The following MATN4 variants were observed in gnomAD, a reference collection of about 807,000 sequenced individuals.
MATN4 encodes the protein matrilin-4.
A neutral mutation model predicts 54.6 loss-of-function variants in MATN4; 40 were observed. That is an observed-to-expected ratio of 0.73 (90% CI 0.57 to 0.95). The LOEUF is 0.95. Ranked by LOEUF, MATN4 falls within the 40% of genes least tolerant of loss-of-function variation. MATN4 has a pLI of 0.00. For missense variants in MATN4, 810 were observed against 819.1 expected (o/e 0.99, Z 0.13); for synonymous variants, 351 against 345.3 (o/e 1.02, Z -0.18).
Position 45,305,675 on chromosome 20 carries a change from G to A in MATN4, c.-34-59C>T, listed in dbSNP as rs564990621. On this transcript the variant is annotated intron_variant, in intron 1 of 9. Coordinates refer to ENST00000372756, the MANE Select transcript of MATN4 (RefSeq NM_001393530.1). ...TATTTACAGAGCTCTTATTCTGGGT[G>A]ATAGGCACTTGGAGGGGGAAGACAG... The A allele has an allele frequency of 1.6e-5, 13 of 809,334 alleles. No individual in the cohort carries two copies. In the South Asian group the frequency reaches 2.1e-4, roughly 13 times the overall value. 50.1% of individuals were successfully genotyped at this position (809,334 alleles called of 1,614,324 possible).
rs1380135872 is a variant in MATN4 at position 45,304,427 on chromosome 20, C to G, written c.444G>C (p.Gly148=). The G allele has an allele frequency of 6.5e-7, 1 of 1,531,358 alleles. No homozygotes were observed. Among genetic ancestry groups the G allele is most frequent in the Non-Finnish European group, 8.8e-7 (1 of 1,135,964 alleles). 94.9% of individuals were successfully genotyped at this position (1,531,358 alleles called of 1,614,324 possible). A position where few individuals can be genotyped will look rare whatever the true frequency, so the allele number is the denominator to read the frequency against. The change falls in exon 3 of 10, where the codon GGG becomes GGC. Residue 148 remains glycine (G), a synonymous_variant. Transcript: ENST00000372756. ...CCTCGGCCACGCGGTCCTGGGGCCG[C>G]CCGTCTGTCACGATGACAGCGACAC... The part of the protein sequence containing the change: ...VPRVAVIVTD[G]RPQDRVAEVA...
In MATN4 at chr20:45,298,280, G is replaced by A. The variant is rs532253887; in HGVS notation, c.1316C>T (p.Ala439Val). The A allele has an allele frequency of 1.2e-6, 2 of 1,613,304 alleles. No homozygotes were observed. Among genetic ancestry groups the A allele is most frequent in the African/African-American group, 1.3e-5 (1 of 74,990 alleles). Residue 439 changes from alanine to valine, a missense_variant, in exon 7 of 10, where the codon GCG becomes GTG. By Grantham distance (64) the Ala-to-Val change is moderately conservative. Transcript: ENST00000372756. The surrounding 1 kb of genome is among the most constrained non-coding windows in gnomAD (Gnocchi z 4.6). ...AAGGGCACGGGGCCGTGCACCCTGC[G>A]CCTCGGAGAAGCTGTGCTCCACCAT... ...RHMVEHSFSE[A>V]QGARPRALNV...
chr20:45,307,062 C>A, intron 1 of MATN4: 1 of 602,254 alleles, frequency 1.7e-6, no homozygotes, highest in South Asian at 8.6e-5. Flanking sequence ...GGCAGCCCGC[C>A]GAACTGCAAA....
At chr20:45,300,372 G>A (rs1307442856) in intron 6 of MATN4, among the ~76,000 whole-genome samples, 2 of 152,188 alleles carry the variant, frequency 1.3e-5, no homozygotes, top group Non-Finnish European at 2.9e-5. Context: ...ACCTAAGGCA[G>A]TGGTTTCAAA....
At chr20:45,308,084 G>A in intron 1 of MATN4, 91 bp downstream of exon 1, 1 of 1,237,556 alleles carries the variant, frequency 8.1e-7, no homozygotes, top group Non-Finnish European at 1.2e-6. Context: ...GGGCACCCTA[G>A]GCAGCGTCTC....
In MATN4 at chr20:45,297,969, AGTCCG is replaced by A; in HGVS notation, c.1523_1527del (p.Pro508LeufsTer124). 1.2e-6 allele frequency: 2 copies of A among 1,614,156 alleles called. No homozygotes were observed. The highest frequency in any genetic ancestry group is 1.7e-6 in the Non-Finnish European group (2 of 1,180,026). On this transcript the variant is annotated frameshift_variant, in exon 8 of 10. Coordinates refer to ENST00000372756, the MANE Select transcript of MATN4 (RefSeq NM_001393530.1). LOFTEE classifies it high-confidence loss of function. ...TCCAGCAGGTGCGTCATGGTGCCGA[AGTCCG>A]GGGCATAGGACACGTGCAGTTCCGC...
In MATN4 at chr20:45,305,805, C is replaced by CTTTTTTTTTTTTTTTTTTGTTTTTT. The variant is rs758735302; in HGVS notation, c.-34-190_-34-189insAAAAAACAAAAAAAAAAAAAAAAAA. On this transcript the variant is annotated intron_variant, in intron 1 of 9. Transcript: ENST00000372756. The stretch of plus-strand genomic sequence containing the variant: ...GGATTGCTGGGAAACACAAGAGATT[C>CTTTTTTTTTTTTTTTTTTGTTTTTT]TTTTTTTTTTTTTTTTTAGATAGAG... Among the ~76,000 whole-genome samples, 2 of 64,676 alleles carry CTTTTTTTTTTTTTTTTTTGTTTTTT rather than the reference C, an allele frequency of 3.1e-5. 1 individual carries two copies. The highest frequency in any genetic ancestry group is 1.7e-3 in the South Asian group (2 of 1,202). 42.4% of individuals were successfully genotyped at this position (64,676 alleles called of 152,430 possible).
intron 3 of MATN4, among the ~76,000 whole-genome samples, chr20:45,302,070 C>A (rs566840662): frequency 6.0e-4 from 91 of 152,112 alleles, no homozygotes; most frequent in African/African-American, 1.9e-3. Flanking sequence ...CCCCTGCATA[C>A]ACAAGTGTGT....
rs1286242374 is a variant in MATN4, at chr20:45,304,817, G to C, written c.74-20C>G. 6.6e-7 allele frequency: 1 copy of C among 1,514,254 alleles called. No individual in the cohort carries two copies. Among genetic ancestry groups the C allele is most frequent in the African/African-American group, 1.4e-5 (1 of 72,306 alleles). 93.8% of individuals were successfully genotyped at this position (1,514,254 alleles called of 1,614,324 possible). ...TGGGACCTGCGGGGAGATCAGGGAG[G>C]ACTCTCCTAGGTCAGCAAAGCCTCA... is the stretch of plus-strand genomic sequence containing the variant. On this transcript the variant is annotated intron_variant, in intron 2 of 9. Coordinates refer to ENST00000372756, the MANE Select transcript of MATN4 (RefSeq NM_001393530.1).
chr20:45,298,849 A>G lies in MATN4; in HGVS notation c.1013-266T>C, dbSNP rs552329838. Among the ~76,000 whole-genome samples, 2 of 152,264 alleles carry G rather than the reference A, an allele frequency of 1.3e-5. No homozygotes were observed. Among genetic ancestry groups the G allele is most frequent in the South Asian group, 2.1e-4 (1 of 4,826 alleles). ...CTAAAAGCATCTTTTTTTAACAACA[A>G]TCATAGTAATGACCACAATAACTAC... On this transcript the variant is annotated intron_variant, in intron 6 of 9. Coordinates refer to ENST00000372756, the MANE Select transcript of MATN4 (RefSeq NM_001393530.1). The surrounding 1 kb of genome is among the most constrained non-coding windows in gnomAD (Gnocchi z 4.6).
rs778666067 is a variant in MATN4, at chr20:45,301,271, C to T, written c.767-47G>A. The T allele has an allele frequency of 2.5e-6, 4 of 1,613,536 alleles. No homozygotes were observed. In the South Asian group the frequency reaches 4.4e-5, roughly 18 times the overall value. ...CAAGATGTTGCCTCTGATTGGAGCC[C>T]TCGGAGGCCACAGTCCAGGGTGTGG... is the stretch of plus-strand genomic sequence containing the variant. On this transcript the variant is annotated intron_variant, in intron 4 of 9. Transcript: ENST00000372756.
At position 45,293,844 on chromosome 20, in the gene MATN4, C is replaced by T. The variant is rs949210993; in HGVS notation, c.1688-19G>A. 1.9e-6 allele frequency: 3 copies of T among 1,610,542 alleles called. No individual in the cohort carries two copies. Among genetic ancestry groups the T allele is most frequent in the Non-Finnish European group, 2.5e-6 (3 of 1,179,816 alleles). ...TGGGCCAGTGAGCGGTTAAGGAGGC[C>T]GTTGGGGTTCGCCGAGGTCCCTTCA... is the stretch of plus-strand genomic sequence containing the variant. On this transcript the variant is annotated intron_variant, in intron 9 of 9. Transcript: ENST00000372756.
rs1985599790 is a variant in MATN4 at position 45,293,509 on chromosome 20, A to G, written c.*258T>C. ...AAACAAGAAATCCAACAAAGAACTG[A>G]GCGCAGCACGCGGCGAGGGCGTGCC... On this transcript the variant is annotated 3_prime_UTR_variant, in exon 10 of 10. Coordinates refer to ENST00000372756, the MANE Select transcript of MATN4 (RefSeq NM_001393530.1). 1.1e-5 allele frequency: 5 copies of G among 447,328 alleles called. No homozygotes were observed. In the South Asian group the frequency reaches 2.0e-4, roughly 18 times the overall value. The allele number at this position is 447,328 out of a possible 1,614,324, so 27.7% of individuals were successfully genotyped here.
At chr20:45,295,595 G>A (rs1254162390) in intron 8 of MATN4, among the ~76,000 whole-genome samples, 1 of 152,014 alleles carries the variant, frequency 6.6e-6, no homozygotes, top group Non-Finnish European at 1.5e-5. Flanking sequence ...CACTGTGTTA[G>A]CCAGGATGGT....
At chr20:45,305,415 T>C (rs947432444) in intron 2 of MATN4, 95 bp downstream of exon 2, 13 of 957,828 alleles carry the variant, frequency 1.4e-5, no homozygotes, top group Non-Finnish European at 4.8e-6. Flanking sequence ...TCCAAAGCCC[T>C]TGCTTCCCTC....
intron 1 of MATN4, among the ~76,000 whole-genome samples, chr20:45,306,380 T>G (rs1264980820): frequency 6.6e-6 from 1 of 152,190 alleles, no homozygotes; most frequent in Non-Finnish European, 1.5e-5. Flanking sequence ...TGCTAGTTTC[T>G]GTGAGCCAGC....
chr20:45,301,256 CCT>C (rs1314427706), intron 4 of MATN4, 32 bp from the exon 5 acceptor site: 1 of 1,613,502 alleles, frequency 6.2e-7, no homozygotes, highest in Non-Finnish European at 8.5e-7. Flanking sequence ...CAAGATGTTG[CCT>C]CTGATTGGAG....
chr20:45,304,354 C>G lies in MATN4; in HGVS notation c.517G>C (p.Val173Leu). 1 of 1,506,174 alleles carries G rather than the reference C, an allele frequency of 6.6e-7. No homozygotes were observed. The highest frequency in any genetic ancestry group is 8.9e-7 in the Non-Finnish European group (1 of 1,127,828). The allele number at this position is 1,506,174 out of a possible 1,614,324, so 93.3% of individuals were successfully genotyped here. ...AGGGAGCCCACGTCCGCGCGCTGCA[C>G]CCCCACCGCGTAAATTTCAATGCCG... ...ARGIEIYAVG[V>L]QRADVGSLRA... is the part of the protein sequence containing the mutation. Residue 173 changes from valine to leucine, a missense_variant, in exon 3 of 10, where the codon GTG becomes CTG. By Grantham distance (32) the Val-to-Leu change is conservative (BLOSUM62 1). Coordinates refer to ENST00000372756, the MANE Select transcript of MATN4 (RefSeq NM_001393530.1).
rs1402896128 is a variant in MATN4, at chr20:45,296,425, T to G, written c.1579+1493A>C. On this transcript the variant is annotated intron_variant, in intron 8 of 9. Transcript: ENST00000372756. ...AGTCTTATATGTACTATGAACAAAC[T>G]GCTGGAATCCAGCAAAGACCCCTAA... Among the ~76,000 whole-genome samples the G allele has an allele frequency of 2.0e-5, 3 of 152,132 alleles. No homozygotes were observed. The East Asian group carries it at 5.8e-4, about 29-fold the overall frequency.
Sources: gnomAD v4.1 joint callset for allele counts (sites outside exome capture counted in the v4.1 genomes callset) on GRCh38, gnomAD v4.1.1 for gene constraint, Gnocchi (gnomAD v3.1) non-coding constraint, MANE v1.5 for transcripts, NCBI Gene and HGNC (gene_info 2026-07-23, HGNC 2026-07-21) for gene names.